COL25A1: variants seen among roughly 807,000 people sequenced by gnomAD.
COL25A1 encodes the protein collagen alpha-1(XXV) chain.
A neutral mutation model predicts 128.4 loss-of-function variants in COL25A1; 103 were observed. The ratio of observed to expected loss-of-function variants is 0.80; its 90% CI spans 0.68 to 0.94. The LOEUF (loss-of-function observed/expected upper bound fraction) is 0.94, where lower values mean the gene tolerates loss of function less well. Among genes scored for constraint, COL25A1 ranks in the 40% least tolerant of loss-of-function variants. COL25A1 has a pLI of 0.00. For synonymous variants in COL25A1, 279 were observed against 277.2 expected (o/e 1.01, Z -0.06); for missense variants, 745 against 840.0 (o/e 0.89, Z 1.40).
intron 11 of COL25A1, among the ~76,000 whole-genome samples, chr4:108,927,239 TC>T (rs1338399488): frequency 6.6e-6 from 1 of 152,192 alleles, no homozygotes; most frequent in Non-Finnish European, 1.5e-5. Context: ...CCTTTGTGTT[TC>T]TTTAGCACAT....
chr4:108,970,215 T>C (rs1273499952), intron 8 of COL25A1, among the ~76,000 whole-genome samples: 1 of 152,186 alleles, frequency 6.6e-6, no homozygotes, highest in African/African-American at 2.4e-5. Flanking sequence ...AAAATATTTT[T>C]ATAAAGAACA....
chr4:109,192,458 C>T (rs1238883975), intron 3 of COL25A1, among the ~76,000 whole-genome samples: 1 of 150,856 alleles, frequency 6.6e-6, no homozygotes, highest in Non-Finnish European at 1.5e-5. Context: ...CTCAGTACCT[C>T]AAAATGTCAG....
At chr4:109,022,103 C>T (rs546049160) in intron 5 of COL25A1, 333 of 451,576 alleles carry the variant, frequency 7.4e-4, no homozygotes, top group Non-Finnish European at 1.4e-3. Context: ...TCGTACACCC[C>T]CTCCCCTTTT....
chr4:109,223,626 A>C (rs1778580849), intron 3 of COL25A1, among the ~76,000 whole-genome samples: 1 of 140,476 alleles, frequency 7.1e-6, no homozygotes, highest in Non-Finnish European at 1.5e-5. Flanking sequence ...CTTCATTTGG[A>C]TAAAGATAAT....
intron 3 of COL25A1, among the ~76,000 whole-genome samples, chr4:109,155,366 A>G (rs1191602469): frequency 6.6e-6 from 1 of 152,212 alleles, no homozygotes; most frequent in Non-Finnish European, 1.5e-5. Context: ...ACAGTCATAA[A>G]TTACTTCTTG....
rs1045233770 is a variant in COL25A1, at chr4:108,963,425, AT to A, written c.492+10941del. 2.0e-5 allele frequency among the ~76,000 whole-genome samples: 3 copies of A among 151,920 alleles called. No individual in the cohort carries two copies. The East Asian group carries it at 5.8e-4, about 29-fold the overall frequency. On this transcript the variant is annotated intron_variant, in intron 8 of 37. Coordinates refer to ENST00000399132, the MANE Select transcript of COL25A1 (RefSeq NM_198721.4). ...TATTACCAGCTAAAGTATAAATTGG[AT>A]TTTTTTTGTCCATTTCAAATACAGG...
chr4:109,176,896 G>A (rs902755827), intron 3 of COL25A1, among the ~76,000 whole-genome samples: 3 of 152,098 alleles, frequency 2.0e-5, no homozygotes, highest in Non-Finnish European at 2.9e-5. Flanking sequence ...AAAACCCAAG[G>A]CCAGATCTCC....
rs115849597 is a variant in COL25A1, at chr4:108,843,712, A to G, written c.1629+807T>C. Reference sequence around the variant, plus strand: ...ATGTTATCTGAGGAAGTAAGCTGCAATTTTTATCATACTATTTTACAAATA... The same window carrying G: ...ATGTTATCTGAGGAAGTAAGCTGCAGTTTTTATCATACTATTTTACAAATA... On this transcript the variant is annotated intron_variant, in intron 30 of 37. Coordinates refer to ENST00000399132, the MANE Select transcript of COL25A1 (RefSeq NM_198721.4). Among the ~76,000 whole-genome samples, 1,162 of 152,276 alleles carry G rather than the reference A, an allele frequency of 7.6e-3. 4 individuals are homozygous for G. The highest frequency in any genetic ancestry group is 0.024 in the Middle Eastern group (7 of 294).
intron 3 of COL25A1, among the ~76,000 whole-genome samples, chr4:109,098,349 G>A (rs956880915): frequency 6.6e-6 from 1 of 152,130 alleles, no homozygotes; most frequent in Non-Finnish European, 1.5e-5. Flanking sequence ...TAGGAAACTG[G>A]GAACCCAAGA....
At chr4:108,820,654 T>C (rs190541842) in intron 35 of COL25A1, among the ~76,000 whole-genome samples, 1 of 151,956 alleles carries the variant, frequency 6.6e-6, no homozygotes, top group Non-Finnish European at 1.5e-5. Flanking sequence ...ACTCTCTTAC[T>C]GATCTCATGC....
At chr4:108,990,450 C>T (rs1000830489) in intron 6 of COL25A1, among the ~76,000 whole-genome samples, 30 of 151,152 alleles carry the variant, frequency 2.0e-4, no homozygotes, top group Non-Finnish European at 2.2e-4. Flanking sequence ...TTATACATAC[C>T]GTGTGCACAT....
intron 19 of COL25A1, among the ~76,000 whole-genome samples, chr4:108,871,122 C>T (rs978736513): frequency 1.3e-5 from 2 of 151,930 alleles, no homozygotes; most frequent in African/African-American, 4.8e-5. Flanking sequence ...CTGTTTTTTT[C>T]TTCCTTTTTA....
chr4:109,044,936 C>T (rs1760288020), intron 5 of COL25A1, among the ~76,000 whole-genome samples: 1 of 152,116 alleles, frequency 6.6e-6, no homozygotes, highest in Non-Finnish European at 1.5e-5. Flanking sequence ...CCTTAAACAG[C>T]ATGGGTTTGA....
At chr4:109,257,632 G>A (rs924526914) in intron 3 of COL25A1, among the ~76,000 whole-genome samples, 3 of 152,162 alleles carry the variant, frequency 2.0e-5, no homozygotes, top group Non-Finnish European at 4.4e-5. Context: ...ATTTATAAAC[G>A]AGTAAACCAA....
intron 5 of COL25A1, among the ~76,000 whole-genome samples, chr4:109,017,745 A>G (rs1221448018): frequency 6.6e-6 from 1 of 152,222 alleles, no homozygotes; most frequent in Non-Finnish European, 1.5e-5. Context: ...GACCAATTTT[A>G]AATAAAAAAC....
At chr4:108,951,466 A>C (rs901965254) in intron 8 of COL25A1, among the ~76,000 whole-genome samples, 4 of 151,156 alleles carry the variant, frequency 2.6e-5, no homozygotes, top group Non-Finnish European at 4.4e-5. Flanking sequence ...GCTCACTGCA[A>C]CCTCCGCCTC....
chr4:108,853,487 C>T (rs1379177825), intron 24 of COL25A1, among the ~76,000 whole-genome samples: 1 of 151,740 alleles, frequency 6.6e-6, no homozygotes, highest in African/African-American at 2.4e-5. Context: ...TGAACTTAAT[C>T]AGAAAAACAA....
intron 3 of COL25A1, among the ~76,000 whole-genome samples, chr4:109,132,845 C>T (rs146714216): frequency 5.3e-5 from 8 of 152,060 alleles, no homozygotes; most frequent in Non-Finnish European, 8.8e-5. Flanking sequence ...ATATGTTCTG[C>T]TTTGATTTTT....
chr4:108,813,817 C>T lies in COL25A1; in HGVS notation c.*110G>A. ...TACTACTGCCAGCAGGAAGAAGCAG[C>T]CCTATGTAAACATATCTCAGACTTG... On this transcript the variant is annotated 3_prime_UTR_variant, in exon 38 of 38. Coordinates refer to ENST00000399132, the MANE Select transcript of COL25A1 (RefSeq NM_198721.4). The T allele has an allele frequency of 1.2e-6, 1 of 825,676 alleles. No homozygotes were observed. Among genetic ancestry groups the T allele is most frequent in the Non-Finnish European group, 2.0e-6 (1 of 499,226 alleles). The allele number at this position is 825,676 out of a possible 1,614,324, so 51.1% of individuals were successfully genotyped here. A position where few individuals can be genotyped will look rare whatever the true frequency, so the allele number is the denominator to read the frequency against.
Sources: allele counts gnomAD v4.1 joint callset (sites outside exome capture counted in the v4.1 genomes callset), GRCh38; gene constraint gnomAD v4.1.1; transcripts MANE v1.5; gene names NCBI Gene and HGNC (gene_info 2026-07-23, HGNC 2026-07-21).